The following GRM1 variants were observed in gnomAD, a reference collection of about 807,000 sequenced individuals.
GRM1 encodes glutamate metabotropic receptor 1.
A neutral mutation model predicts 90.9 loss-of-function variants in GRM1; 33 were observed. The observed-to-expected ratio is 0.36, with a 90% CI of 0.28 to 0.49. GRM1 has a LOEUF of 0.49. Ranked by LOEUF, GRM1 falls within the 20% of genes least tolerant of loss-of-function variation. The pLI is 0.99. For missense variants in GRM1, 1,190 were observed against 1,534.3 expected (o/e 0.78, Z 3.75); for synonymous variants, 700 against 613.2 (o/e 1.14, Z -2.09).
rs1412278689 is a variant in GRM1 at position 146,130,247 on chromosome 6, CCCTCCCTT to C, written c.701-29097_701-29090del. 1.4e-4 allele frequency among the ~76,000 whole-genome samples: 20 copies of C among 147,570 alleles called. No individual in the cohort carries two copies. In the East Asian group the frequency reaches 2.6e-3, roughly 20 times the overall value. ...TCTTTCTTTCCCTCCCTCCCTCCCT[CCCTCCCTT>C]CCTTCCTTCCTTCTTTCTTTCTTTC... On this transcript the variant is annotated intron_variant, in intron 1 of 7. Transcript: ENST00000282753.
At chr6:146,259,941 T>A (rs1418943802) in intron 2 of GRM1, among the ~76,000 whole-genome samples, 1 of 148,980 alleles carries the variant, frequency 6.7e-6, no homozygotes, top group Non-Finnish European at 1.5e-5. Context: ...TTTCTACACA[T>A]CCTCACCAAT....
intron 1 of GRM1, among the ~76,000 whole-genome samples, chr6:146,117,582 T>C (rs1040668479): frequency 2.0e-5 from 3 of 152,108 alleles, no homozygotes; most frequent in African/African-American, 7.2e-5. Flanking sequence ...TTTTATGACT[T>C]CTTTTTTTTG....
intron 7 of GRM1, among the ~76,000 whole-genome samples, chr6:146,408,301 A>G (rs1490155264): frequency 6.6e-6 from 1 of 152,174 alleles, no homozygotes; most frequent in African/African-American, 2.4e-5. Context: ...AGTTTTGGAA[A>G]ACACAAACAT....
In GRM1 at chr6:146,435,006, G is replaced by A. The variant is rs1778553217; in HGVS notation, c.*210G>A. On this transcript the variant is annotated 3_prime_UTR_variant, in exon 8 of 8. Transcript: ENST00000282753. Reference sequence around the variant, plus strand: ...CAAAAAATGTTCCAGGCCAGGATTCGGATTCTTGAATTACTCGAAGCCTTC... The same window carrying A: ...CAAAAAATGTTCCAGGCCAGGATTCAGATTCTTGAATTACTCGAAGCCTTC... 2 of 620,556 alleles carry A rather than the reference G, an allele frequency of 3.2e-6. No homozygotes were observed. The highest frequency in any genetic ancestry group is 5.7e-6 in the Non-Finnish European group (2 of 348,258). The allele number at this position is 620,556 out of a possible 1,614,324, so 38.4% of individuals were successfully genotyped here.
chr6:146,071,431 A>G (rs1282403634), intron 1 of GRM1, among the ~76,000 whole-genome samples: 2 of 152,190 alleles, frequency 1.3e-5, no homozygotes, highest in African/African-American at 4.8e-5. Context: ...AGAACCATGG[A>G]TGCATTATCA....
intron 3 of GRM1, among the ~76,000 whole-genome samples, chr6:146,308,874 C>T (rs942173655): frequency 2.0e-5 from 3 of 151,898 alleles, no homozygotes; most frequent in Non-Finnish European, 4.4e-5. Context: ...TTGTCTTTGT[C>T]GTTAAATTCT....
intron 3 of GRM1, among the ~76,000 whole-genome samples, chr6:146,308,260 T>G (rs187874182): frequency 6.6e-6 from 1 of 152,304 alleles, no homozygotes; most frequent in Admixed American, 6.5e-5. Context: ...TGACCTCACT[T>G]AACCTCAGAA....
chr6:146,142,027 A>G (rs1776896958), intron 1 of GRM1, among the ~76,000 whole-genome samples: 1 of 152,180 alleles, frequency 6.6e-6, no homozygotes, highest in Non-Finnish European at 1.5e-5. Context: ...TGTCTTTCTT[A>G]GGAAGGCTTT....
At chr6:146,277,460 G>T (rs908399590) in intron 2 of GRM1, among the ~76,000 whole-genome samples, 2 of 152,216 alleles carry the variant, frequency 1.3e-5, no homozygotes, top group Admixed American at 6.5e-5. Flanking sequence ...TTGCTTTTGA[G>T]GGGTTAGAGA....
At chr6:146,102,182 C>T (rs1777074186) in intron 1 of GRM1, among the ~76,000 whole-genome samples, 1 of 152,132 alleles carries the variant, frequency 6.6e-6, no homozygotes, top group South Asian at 2.1e-4. Context: ...CCCATATCCT[C>T]AATCTGGCTC....
At chr6:146,187,809 C>T (rs1051281006) in intron 2 of GRM1, among the ~76,000 whole-genome samples, 25 of 151,104 alleles carry the variant, frequency 1.7e-4, no homozygotes, top group African/African-American at 2.9e-4. Flanking sequence ...AAGAGTAAAA[C>T]GATACAAAAG....
intron 1 of GRM1, among the ~76,000 whole-genome samples, chr6:146,043,791 A>ATC (rs1791208636): frequency 3.0e-5 from 4 of 134,416 alleles, no homozygotes; most frequent in South Asian, 2.4e-4. Context: ...TGATATATAT[A>ATC]TATATATATA....
chr6:146,355,124 C>T (rs1427437700), intron 4 of GRM1, among the ~76,000 whole-genome samples: 1 of 152,082 alleles, frequency 6.6e-6, no homozygotes, highest in Admixed American at 6.6e-5. Context: ...ATGTGAGAAG[C>T]TGTATTAATG....
intron 1 of GRM1, among the ~76,000 whole-genome samples, chr6:146,140,438 T>C (rs1364720022): frequency 1.3e-5 from 2 of 151,886 alleles, no homozygotes; most frequent in Non-Finnish European, 2.9e-5. Flanking sequence ...CAGGCTAATT[T>C]TTGTATTTTT....
In GRM1 at chr6:146,435,919, A is replaced by G. The variant is rs1778581200; in HGVS notation, c.*1123A>G. ...ATTAGAGAAACAAATCCATCTTTGA[A>G]TCTAATGGTGTACTCATAGCAACTA... On this transcript the variant is annotated 3_prime_UTR_variant, in exon 8 of 8. Transcript: ENST00000282753. 6.6e-6 allele frequency: 1 copy of G among 152,666 alleles called. No individual in the cohort carries two copies. Among genetic ancestry groups the G allele is most frequent in the African/African-American group, 2.4e-5 (1 of 41,460 alleles). 9.5% of individuals were successfully genotyped at this position (152,666 alleles called of 1,614,324 possible).
At chr6:146,030,725 T>A (rs1790675759) in intron 1 of GRM1, among the ~76,000 whole-genome samples, 1 of 152,214 alleles carries the variant, frequency 6.6e-6, no homozygotes, top group African/African-American at 2.4e-5. Context: ...ATCCAAAACT[T>A]TCCTGTGAAT....
chr6:146,344,892 G>C (rs529111792), intron 3 of GRM1, among the ~76,000 whole-genome samples: 2 of 151,818 alleles, frequency 1.3e-5, no homozygotes, highest in Non-Finnish European at 2.9e-5. Context: ...GCTCACCACA[G>C]CCTCCACGTC....
chr6:146,215,954 TCACCGTGTTAGC>T (rs1336467162), intron 2 of GRM1, among the ~76,000 whole-genome samples: 2 of 152,168 alleles, frequency 1.3e-5, no homozygotes, highest in Non-Finnish European at 2.9e-5. Context: ...GGACGGGGTT[TCACCGTGTTAGC>T]CAGGATGGTC....
chr6:146,247,083 T>G (rs1430041594), intron 2 of GRM1, among the ~76,000 whole-genome samples: 2 of 152,134 alleles, frequency 1.3e-5, no homozygotes, highest in Non-Finnish European at 2.9e-5. Flanking sequence ...GCAATATACT[T>G]CCCTCTCTCT....
Sources: allele counts gnomAD v4.1 joint callset (sites outside exome capture counted in the v4.1 genomes callset), GRCh38; gene constraint gnomAD v4.1.1; transcripts MANE v1.5; gene names NCBI Gene and HGNC (gene_info 2026-07-23, HGNC 2026-07-21).